Variants in PDE4D observed in about 807,000 individuals in gnomAD.
PDE4D encodes 3',5'-cyclic-AMP phosphodiesterase 4D.
A neutral mutation model predicts 87.4 loss-of-function variants in PDE4D; 24 were observed. That is an observed-to-expected ratio of 0.27 (90% CI 0.20 to 0.39). The LOEUF (loss-of-function observed/expected upper bound fraction) is 0.39, where lower values mean the gene tolerates loss of function less well. Among genes scored for constraint, PDE4D ranks in the 10% least tolerant of loss-of-function variants. PDE4D has a pLI of 1.00. For synonymous variants in PDE4D, 384 were observed against 383.2 expected (o/e 1.00, Z -0.02); for missense variants, 714 against 1,041.0 (o/e 0.69, Z 4.32).
intron 2 of PDE4D, among the ~76,000 whole-genome samples, chr5:60,062,122 G>A (rs746106004): frequency 6.6e-5 from 10 of 151,994 alleles, no homozygotes; most frequent in Non-Finnish European, 1.5e-4. Flanking sequence ...GAGTGAACAG[G>A]CAATCTACAG....
At chr5:59,177,512 C>A (rs1784082231) in intron 5 of PDE4D, among the ~76,000 whole-genome samples, 1 of 152,180 alleles carries the variant, frequency 6.6e-6, no homozygotes. Flanking sequence ...TTCAAGCCAG[C>A]AACAACTGCA....
intron 1 of PDE4D, among the ~76,000 whole-genome samples, chr5:59,415,495 C>G (rs1031030682): frequency 1.3e-5 from 2 of 152,030 alleles, no homozygotes; most frequent in African/African-American, 4.8e-5. Flanking sequence ...GTTAGTATGA[C>G]TAAAGGACTA....
At chr5:59,262,367 A>G (rs1240503649) in intron 1 of PDE4D, among the ~76,000 whole-genome samples, 1 of 152,004 alleles carries the variant, frequency 6.6e-6, no homozygotes, top group African/African-American at 2.4e-5. Context: ...ATGATCAGGT[A>G]GCTAGAAAAT....
At chr5:59,473,038 C>A (rs146534190) in intron 1 of PDE4D, among the ~76,000 whole-genome samples, 1 of 145,712 alleles carries the variant, frequency 6.9e-6, no homozygotes, top group East Asian at 2.0e-4. Flanking sequence ...AGGTTCATGG[C>A]CTTTAATATA....
At chr5:60,109,281 C>A (rs1347884006) in intron 2 of PDE4D, among the ~76,000 whole-genome samples, 1 of 152,184 alleles carries the variant, frequency 6.6e-6, no homozygotes, top group Non-Finnish European at 1.5e-5. Context: ...CACTGGCCAT[C>A]AGAGGAATGC....
At chr5:59,079,353 G>C (rs537335189) in intron 5 of PDE4D, among the ~76,000 whole-genome samples, 1 of 152,210 alleles carries the variant, frequency 6.6e-6, no homozygotes, top group South Asian at 2.1e-4. Flanking sequence ...TTAAGAAAAA[G>C]CATGCATAAT....
chr5:59,617,213 T>C (rs1039808153), intron 1 of PDE4D, among the ~76,000 whole-genome samples: 7 of 151,864 alleles, frequency 4.6e-5, no homozygotes, highest in African/African-American at 1.7e-4. Flanking sequence ...AGCTCCATCG[T>C]CCTCCATCTT....
intron 1 of PDE4D, among the ~76,000 whole-genome samples, chr5:59,242,674 T>C (rs1362878765): frequency 6.6e-6 from 1 of 152,168 alleles, no homozygotes; most frequent in Non-Finnish European, 1.5e-5. Flanking sequence ...TTCACATTTA[T>C]TGAGTATTTA....
intron 1 of PDE4D, among the ~76,000 whole-genome samples, chr5:59,697,450 C>A (rs560258339): frequency 2.6e-4 from 40 of 152,222 alleles, no homozygotes; most frequent in African/African-American, 8.4e-4. Context: ...ATAACAGGAA[C>A]TTTCTATGTT....
chr5:59,719,336 C>T (rs544004148), intron 1 of PDE4D, among the ~76,000 whole-genome samples: 2 of 152,192 alleles, frequency 1.3e-5, no homozygotes, highest in Admixed American at 6.5e-5. Flanking sequence ...GTAGCTGCAC[C>T]TCATTATATA....
chr5:59,841,448 TTTAGA>T, intron 1 of PDE4D, among the ~76,000 whole-genome samples: 1 of 152,120 alleles, frequency 6.6e-6, no homozygotes, highest in East Asian at 1.9e-4. Context: ...AGTGGCAAAG[TTTAGA>T]TTAATTTTAT....
intron 1 of PDE4D, among the ~76,000 whole-genome samples, chr5:59,512,743 T>C (rs1036071386): frequency 6.6e-6 from 1 of 152,082 alleles, no homozygotes; most frequent in Admixed American, 6.5e-5. Context: ...AAGGAACATT[T>C]GTAAAAAAAA....
intron 1 of PDE4D, among the ~76,000 whole-genome samples, chr5:59,636,913 C>G (rs1022170935): frequency 6.6e-6 from 1 of 152,014 alleles, no homozygotes; most frequent in Non-Finnish European, 1.5e-5. Context: ...TGGGATCTAA[C>G]TAAACTAAAG....
intron 1 of PDE4D, among the ~76,000 whole-genome samples, chr5:59,416,956 G>A (rs1333427125): frequency 1.3e-5 from 2 of 152,058 alleles, no homozygotes; most frequent in Non-Finnish European, 2.9e-5. Flanking sequence ...AATTCTGTGT[G>A]TACATATTGC....
chr5:59,447,698 T>C (rs955612190), intron 1 of PDE4D, among the ~76,000 whole-genome samples: 8 of 152,244 alleles, frequency 5.3e-5, no homozygotes, highest in African/African-American at 1.9e-4. Context: ...TTTGAAAGAA[T>C]CTGATTGTGT....
At chr5:60,257,410 C>T (rs1051108765) in intron 1 of PDE4D, among the ~76,000 whole-genome samples, 1 of 151,624 alleles carries the variant, frequency 6.6e-6, no homozygotes, top group Non-Finnish European at 1.5e-5. Flanking sequence ...GTGGCAGCGG[C>T]GATATCTGAA....
chr5:60,163,780 C>T (rs753867565), intron 2 of PDE4D, among the ~76,000 whole-genome samples: 5 of 152,244 alleles, frequency 3.3e-5, no homozygotes, highest in East Asian at 1.9e-4. Context: ...TCCCCTACCA[C>T]GCCAAGCCTT....
chr5:59,742,600 G>C (rs1278492985), intron 1 of PDE4D, among the ~76,000 whole-genome samples: 1 of 152,194 alleles, frequency 6.6e-6, no homozygotes, highest in Non-Finnish European at 1.5e-5. Context: ...AATGTGGTAA[G>C]CATTATGTGA....
At chr5:60,438,924 T>C (rs1182225484) in intron 1 of PDE4D, among the ~76,000 whole-genome samples, 1 of 152,134 alleles carries the variant, frequency 6.6e-6, no homozygotes, top group Non-Finnish European at 1.5e-5. Context: ...TGGTAACTGC[T>C]TTTATCTAAT....
Sources: allele counts gnomAD v4.1 joint callset (sites outside exome capture counted in the v4.1 genomes callset), GRCh38; gene constraint gnomAD v4.1.1; transcripts MANE v1.5; gene names NCBI Gene and HGNC (gene_info 2026-07-23, HGNC 2026-07-21).